CORIN: variants seen among roughly 807,000 people sequenced by gnomAD.
CORIN encodes the protein corin, serine peptidase.
A neutral mutation model predicts 125.3 loss-of-function variants in CORIN; 117 were observed. The ratio of observed to expected loss-of-function variants is 0.93; its 90% CI spans 0.80 to 1.09. The LOEUF is 1.09. Ranked by LOEUF, CORIN falls within the 50% of genes least tolerant of loss-of-function variation. The probability of loss-of-function intolerance (pLI) is 0.00; values close to 1 mark genes in which losing one functional copy is unlikely to be tolerated. For missense variants in CORIN, 1,253 were observed against 1,306.7 expected, an observed-to-expected ratio of 0.96 and a Z score of 0.63; for synonymous variants, 450 against 466.4, an observed-to-expected ratio of 0.96 and a Z score of 0.45.
At chr4:47,827,337 C>T (rs943495432) in intron 1 of CORIN, among the ~76,000 whole-genome samples, 1 of 152,128 alleles carries the variant, frequency 6.6e-6, no homozygotes. Flanking sequence ...TACATTTATC[C>T]AGCAACATGC....
At chr4:47,723,044 G>C (rs532826553) in intron 5 of CORIN, among the ~76,000 whole-genome samples, 50 of 152,304 alleles carry the variant, frequency 3.3e-4, no homozygotes, top group South Asian at 2.9e-3. Flanking sequence ...ATAAGCAGGA[G>C]GGGCCCTGCA....
Position 47,678,013 on chromosome 4 carries a change from A to G in CORIN, c.1174T>C (p.Cys392Arg). ...TCACATTGAAACGTGCTGGGGATAC[A>G]TTGTCCATTTCTGCATTCCACCAGA... ...QGLVECRNGQ[C>R]IPSTFQCDGD... The change falls in exon 9 of 22, where the codon TGT becomes CGT. Residue 392 changes from cysteine to arginine, a missense_variant. By Grantham distance (180) the Cys-to-Arg change is radical. Coordinates refer to ENST00000273857, the MANE Select transcript of CORIN (RefSeq NM_006587.4). 2 of 1,614,060 alleles carry G rather than the reference A, an allele frequency of 1.2e-6. No individual in the cohort carries two copies. Among genetic ancestry groups the G allele is most frequent in the Non-Finnish European group, 1.7e-6 (2 of 1,179,948 alleles).
chr4:47,612,882 C>T (rs766108089), intron 19 of CORIN, among the ~76,000 whole-genome samples: 13 of 152,078 alleles, frequency 8.5e-5, no homozygotes, highest in Admixed American at 1.3e-4. Flanking sequence ...AGCTAGCCGT[C>T]GGTGATAAAA....
At chr4:47,627,169 G>A (rs28628055) in intron 16 of CORIN, among the ~76,000 whole-genome samples, 21,033 of 152,020 alleles carry the variant, frequency 0.14, 1,949 homozygotes, top group East Asian at 0.47. Context: ...TTTTAGTAGA[G>A]ATGAGGTTTC....
At chr4:47,628,417 T>C (rs1211050865) in intron 16 of CORIN, among the ~76,000 whole-genome samples, 1 of 150,734 alleles carries the variant, frequency 6.6e-6, no homozygotes, top group Non-Finnish European at 1.5e-5. Flanking sequence ...CTAAGAAGCA[T>C]ATCTATCACC....
intron 11 of CORIN, among the ~76,000 whole-genome samples, chr4:47,663,555 A>G (rs1329568397): frequency 1.3e-5 from 2 of 152,168 alleles, no homozygotes; most frequent in African/African-American, 4.8e-5. Flanking sequence ...ACACTTCAGG[A>G]TCATCCTTGG....
chr4:47,757,476 C>T (rs1253668458), intron 4 of CORIN, among the ~76,000 whole-genome samples: 1 of 151,690 alleles, frequency 6.6e-6, no homozygotes, highest in Non-Finnish European at 1.5e-5. Flanking sequence ...CGCCTGTAAT[C>T]CCAGCTACTC....
rs576559949 is a variant in CORIN at position 47,707,072 on chromosome 4, C to T, written c.800-13989G>A. 2.1e-5 allele frequency: 30 copies of T among 1,429,130 alleles called. No individual in the cohort carries two copies. The African/African-American group carries it at 3.7e-4, about 18-fold the overall frequency. The allele number at this position is 1,429,130 out of a possible 1,614,324, so 88.5% of individuals were successfully genotyped here. A position where few individuals can be genotyped will look rare whatever the true frequency, so the allele number is the denominator to read the frequency against. On this transcript the variant is annotated intron_variant, in intron 5 of 21. Transcript: ENST00000273857. Reference sequence around the variant, plus strand: ...TACAGGTGTTATTTGTCTGTTAAAACTAGTCTGCAGATGTTTCTTGAATGC... The same window carrying T: ...TACAGGTGTTATTTGTCTGTTAAAATTAGTCTGCAGATGTTTCTTGAATGC...
intron 2 of CORIN, among the ~76,000 whole-genome samples, chr4:47,797,053 C>T (rs569411218): frequency 4.6e-5 from 7 of 151,904 alleles, no homozygotes; most frequent in Admixed American, 2.0e-4. Context: ...GTCCCCAATA[C>T]CTATAGCACA....
At chr4:47,674,359 C>T in intron 10 of CORIN, 34 bp downstream of exon 10, 1 of 1,392,604 alleles carries the variant, frequency 7.2e-7, no homozygotes, top group Non-Finnish European at 1.0e-6. Context: ...CATGCCCTGA[C>T]ATGGCTATTG....
chr4:47,739,645 T>C (rs565469844), intron 5 of CORIN, among the ~76,000 whole-genome samples: 1 of 151,922 alleles, frequency 6.6e-6, no homozygotes, highest in Non-Finnish European at 1.5e-5. Flanking sequence ...TAGGTAAAAG[T>C]AAGATAAAAG....
chr4:47,611,980 A>G (rs1721888534), intron 19 of CORIN, among the ~76,000 whole-genome samples: 1 of 152,078 alleles, frequency 6.6e-6, no homozygotes, highest in Non-Finnish European at 1.5e-5. Context: ...TTTATTGAGG[A>G]TTTCAACATC....
intron 8 of CORIN, among the ~76,000 whole-genome samples, chr4:47,678,974 T>C (rs1039177662): frequency 5.9e-5 from 9 of 152,250 alleles, no homozygotes. Flanking sequence ...TGACTTTTTA[T>C]ATGACTTTTC....
At chr4:47,824,167 A>T (rs1167200325) in intron 1 of CORIN, among the ~76,000 whole-genome samples, 1 of 151,554 alleles carries the variant, frequency 6.6e-6, no homozygotes, top group Admixed American at 6.6e-5. Flanking sequence ...TATAAAGGAG[A>T]ATAACAATAC....
intron 1 of CORIN, among the ~76,000 whole-genome samples, 198 bp from the exon 2 acceptor site, chr4:47,807,245 C>T (rs753159558): frequency 1.3e-5 from 2 of 152,212 alleles, no homozygotes; most frequent in African/African-American, 2.4e-5. Flanking sequence ...CAGGGAAGAG[C>T]AAACTATCTA....
chr4:47,656,615 G>A (rs1199869686), intron 12 of CORIN, among the ~76,000 whole-genome samples: 1 of 152,002 alleles, frequency 6.6e-6, no homozygotes, highest in African/African-American at 2.4e-5. Context: ...AAAAAACTGG[G>A]TAAGAAGGAA....
At chr4:47,673,537 T>A (rs528301720) in intron 10 of CORIN, among the ~76,000 whole-genome samples, 1 of 152,266 alleles carries the variant, frequency 6.6e-6, no homozygotes, top group East Asian at 1.9e-4. Context: ...AAATCATTAC[T>A]AGAAATCAGT....
chr4:47,613,721 C>T lies in CORIN; in HGVS notation c.2540+9850G>A, dbSNP rs914905766. On this transcript the variant is annotated intron_variant, in intron 19 of 21. Transcript: ENST00000273857. ...ACTATCGCAAGAACAAAAAACCAAA[C>T]ACCGCATGTTCTCACTCATAGGTGG... is the stretch of plus-strand genomic sequence containing the variant. Among the ~76,000 whole-genome samples, 3 of 148,228 alleles carry T rather than the reference C, an allele frequency of 2.0e-5. No homozygotes were observed. The Admixed American group carries it at 2.0e-4, about 10-fold the overall frequency.
intron 13 of CORIN, 34 bp from the exon 14 acceptor site, chr4:47,645,228 C>T (rs377357602): frequency 1.2e-4 from 146 of 1,215,168 alleles, no homozygotes; most frequent in Non-Finnish European, 1.6e-4. Context: ...TTGCAATAGA[C>T]GTGGAATTGA....
Sources: allele counts gnomAD v4.1 joint callset (sites outside exome capture counted in the v4.1 genomes callset), GRCh38; gene constraint gnomAD v4.1.1; transcripts MANE v1.5; gene names NCBI Gene and HGNC (gene_info 2026-07-23, HGNC 2026-07-21).